SLC25A26: variants seen among roughly 807,000 people sequenced by gnomAD.
The protein encoded by SLC25A26 is mitochondrial S-adenosylmethionine carrier protein.
SLC25A26 carries 36 observed loss-of-function variants against 37.8 expected under a neutral mutation model. The ratio of observed to expected loss-of-function variants is 0.95; its 90% CI spans 0.73 to 1.26. The LOEUF is 1.26. SLC25A26 is among the 50% of genes most tolerant of loss of function. SLC25A26 has a pLI of 0.00. For missense variants in SLC25A26, 390 were observed against 331.1 expected (o/e 1.18, Z -1.38); for synonymous variants, 129 against 122.5 (o/e 1.05, Z -0.35).
At chr3:66,313,348 T>G (rs2075437717) in intron 5 of SLC25A26, among the ~76,000 whole-genome samples, 1 of 152,182 alleles carries the variant, frequency 6.6e-6, no homozygotes, top group South Asian at 2.1e-4. Flanking sequence ...GGCTTGCCAG[T>G]TCTCCCAGCA....
At chr3:66,144,469 T>G (rs1331696194) in intron 1 of SLC25A26, among the ~76,000 whole-genome samples, 1 of 152,186 alleles carries the variant, frequency 6.6e-6, no homozygotes, top group Non-Finnish European at 1.5e-5. Context: ...GGGCCTAGAT[T>G]TTGCCCACTG....
chr3:66,205,976 C>G (rs1423164625), intron 1 of SLC25A26, among the ~76,000 whole-genome samples: 5 of 152,140 alleles, frequency 3.3e-5, no homozygotes, highest in Admixed American at 3.3e-4. Flanking sequence ...CGTAATAGAG[C>G]AGGTTAGTGC....
Position 66,199,763 on chromosome 3 carries a change from A to AC in SLC25A26, c.-353-20976dup, listed in dbSNP as rs1278012108. Among the ~76,000 whole-genome samples, 167 of 151,956 alleles carry AC rather than the reference A, an allele frequency of 1.1e-3. 5 individuals are homozygous for AC. The highest frequency in any genetic ancestry group is 3.7e-3 in the African/African-American group (153 of 41,412). ...TGACCCCCAGCTGCACCCTGTCATG[A>AC]CCCTTTCCCTGACCCTCATCATGAC... is the stretch of plus-strand genomic sequence containing the variant. On this transcript the variant is annotated intron_variant, in intron 1 of 10. Transcript: ENST00000676754.
intron 1 of SLC25A26, among the ~76,000 whole-genome samples, chr3:66,192,509 C>A (rs926010678): frequency 0.011 from 1,614 of 152,194 alleles, 31 homozygotes; most frequent in African/African-American, 0.037. Flanking sequence ...TCTGTTGTTT[C>A]AGCCACTCAG....
At chr3:66,367,658 C>G (rs1433087090) in intron 7 of SLC25A26, among the ~76,000 whole-genome samples, 1 of 151,370 alleles carries the variant, frequency 6.6e-6, no homozygotes, top group East Asian at 1.9e-4. Flanking sequence ...CCTTTTCTTC[C>G]TTTCTTGGGG....
chr3:66,376,019 A>C (rs1209726978), intron 9 of SLC25A26, among the ~76,000 whole-genome samples: 1 of 149,900 alleles, frequency 6.7e-6, no homozygotes, highest in East Asian at 1.9e-4. Context: ...AGTTGATTCC[A>C]ATCCTCATGG....
intron 5 of SLC25A26, among the ~76,000 whole-genome samples, chr3:66,343,227 C>T (rs568322045): frequency 8.5e-4 from 130 of 152,290 alleles, no homozygotes; most frequent in African/African-American, 3.0e-3. Context: ...CCATCTTTCA[C>T]ATGTGTGGAA....
chr3:66,172,975 G>T (rs1433590456), intron 1 of SLC25A26, among the ~76,000 whole-genome samples: 1 of 152,166 alleles, frequency 6.6e-6, no homozygotes, highest in African/African-American at 2.4e-5. Context: ...GAAGGTTAGG[G>T]CTTCAACATA....
intron 6 of SLC25A26, among the ~76,000 whole-genome samples, chr3:66,356,930 G>A (rs2076590456): frequency 6.6e-6 from 1 of 152,076 alleles, no homozygotes; most frequent in Non-Finnish European, 1.5e-5. Flanking sequence ...GCACTCGGTG[G>A]AATGTTCCTA....
chr3:66,365,103 G>A (rs971542322), intron 7 of SLC25A26, among the ~76,000 whole-genome samples: 1 of 152,206 alleles, frequency 6.6e-6, no homozygotes, highest in African/African-American at 2.4e-5. Context: ...GCAACATGGT[G>A]CCTTACAGCA....
At chr3:66,207,047 A>C (rs919792067) in intron 1 of SLC25A26, among the ~76,000 whole-genome samples, 17 of 151,708 alleles carry the variant, frequency 1.1e-4, no homozygotes, top group Admixed American at 4.6e-4. Flanking sequence ...TGGCCTAGTT[A>C]CAGGTTCTAT....
intron 5 of SLC25A26, among the ~76,000 whole-genome samples, chr3:66,322,490 C>T (rs896321219): frequency 6.6e-6 from 1 of 152,188 alleles, no homozygotes; most frequent in African/African-American, 2.4e-5. Flanking sequence ...CACAGATACA[C>T]TTTTTAGCTT....
chr3:66,155,896 A>G (rs1254672500), intron 1 of SLC25A26, among the ~76,000 whole-genome samples: 1 of 152,176 alleles, frequency 6.6e-6, no homozygotes, highest in Non-Finnish European at 1.5e-5. Flanking sequence ...CATACATGAG[A>G]CCAGACCACT....
intron 5 of SLC25A26, among the ~76,000 whole-genome samples, chr3:66,323,380 A>G (rs1446000670): frequency 6.6e-6 from 1 of 152,236 alleles, no homozygotes; most frequent in South Asian, 2.1e-4. Flanking sequence ...TAACCACCCA[A>G]CAAGTTCTTG....
intron 5 of SLC25A26, among the ~76,000 whole-genome samples, chr3:66,266,826 C>T (rs1159662981): frequency 3.9e-5 from 6 of 152,176 alleles, no homozygotes; most frequent in Admixed American, 2.0e-4. Flanking sequence ...ATCATAGATG[C>T]TTTCATATCC....
chr3:66,345,831 G>A (rs551373109), intron 5 of SLC25A26, among the ~76,000 whole-genome samples: 1 of 152,208 alleles, frequency 6.6e-6, no homozygotes, highest in Admixed American at 6.5e-5. Context: ...TCAGTAGCCA[G>A]ACTATTGTGC....
At chr3:66,361,745 C>T (rs1216409892) in intron 6 of SLC25A26, among the ~76,000 whole-genome samples, 1 of 152,134 alleles carries the variant, frequency 6.6e-6, no homozygotes, top group Non-Finnish European at 1.5e-5. Flanking sequence ...GGGTGGATCG[C>T]TTGAGGTCAG....
intron 6 of SLC25A26, among the ~76,000 whole-genome samples, chr3:66,354,891 C>G (rs912934250): frequency 2.0e-5 from 3 of 152,202 alleles, no homozygotes; most frequent in Non-Finnish European, 4.4e-5. Flanking sequence ...GTGACTTGCT[C>G]CTCCTTGCCT....
intron 5 of SLC25A26, among the ~76,000 whole-genome samples, chr3:66,322,217 A>T (rs2075714551): frequency 6.6e-6 from 1 of 152,208 alleles, no homozygotes; most frequent in Non-Finnish European, 1.5e-5. Flanking sequence ...AGTGTCTTTT[A>T]AGGAAGGAAT....
Sources: allele counts gnomAD v4.1 joint callset (sites outside exome capture counted in the v4.1 genomes callset), GRCh38; gene constraint gnomAD v4.1.1; transcripts MANE v1.5; gene names NCBI Gene and HGNC (gene_info 2026-07-23, HGNC 2026-07-21).